ERC2: variants seen among roughly 807,000 people sequenced by gnomAD.
The protein encoded by ERC2 is ERC protein 2.
Under a neutral mutation model 114.8 loss-of-function variants are expected in ERC2, and 42 were observed. The ratio of observed to expected loss-of-function variants is 0.37; its 90% CI spans 0.29 to 0.47. ERC2 has a LOEUF of 0.47. Among genes scored for constraint, ERC2 ranks in the 20% least tolerant of loss-of-function variants. ERC2 has a pLI of 0.99. For missense variants in ERC2, 939 were observed against 1,150.7 expected (o/e 0.82, Z 2.66); for synonymous variants, 454 against 425.5 (o/e 1.07, Z -0.82).
At chr3:56,014,639 G>A (rs548684323) in intron 8 of ERC2, among the ~76,000 whole-genome samples, 2 of 152,046 alleles carry the variant, frequency 1.3e-5, no homozygotes, top group African/African-American at 4.8e-5. Context: ...TTTCAGATTT[G>A]GGAATTACTT....
chr3:55,583,889 C>G (rs1559694462), intron 17 of ERC2, among the ~76,000 whole-genome samples: 1 of 1,296 alleles, frequency 7.7e-4, no homozygotes, highest in African/African-American at 9.2e-4. Context: ...AACTTGCTAG[C>G]CCCCCTCCCA....
intron 6 of ERC2, among the ~76,000 whole-genome samples, chr3:56,135,079 A>C (rs1575546861): frequency 3.9e-5 from 6 of 152,094 alleles, no homozygotes; most frequent in Admixed American, 3.9e-4. Context: ...CAGCCTCCTG[A>C]GGAGCTGGGA....
chr3:55,521,597 C>G (rs1210762037), intron 17 of ERC2, among the ~76,000 whole-genome samples: 1 of 152,160 alleles, frequency 6.6e-6, no homozygotes, highest in Non-Finnish European at 1.5e-5. Context: ...AAGTGACTGG[C>G]AAAAGAAGGG....
intron 14 of ERC2, among the ~76,000 whole-genome samples, chr3:55,819,761 T>C (rs1221076904): frequency 6.6e-6 from 1 of 152,200 alleles, no homozygotes. Flanking sequence ...CCAGACTCCA[T>C]GGCCATGCAC....
intron 2 of ERC2, among the ~76,000 whole-genome samples, chr3:56,348,921 AAGG>A (rs1317598211): frequency 7.1e-6 from 1 of 140,518 alleles, no homozygotes; most frequent in African/African-American, 2.8e-5. Flanking sequence ...GGAAGGAAGG[AAGG>A]AAGGAAGGAA....
chr3:56,448,500 C>A (rs947794184), intron 1 of ERC2, among the ~76,000 whole-genome samples: 4 of 152,166 alleles, frequency 2.6e-5, no homozygotes, highest in Non-Finnish European at 5.9e-5. Context: ...GCCTGCCCCC[C>A]ACACCTCCGC....
intron 15 of ERC2, among the ~76,000 whole-genome samples, chr3:55,718,842 G>A (rs1384259419): frequency 1.3e-5 from 2 of 152,164 alleles, no homozygotes; most frequent in Non-Finnish European, 2.9e-5. Context: ...TTTTAAAGTG[G>A]AAAGATATTT....
intron 17 of ERC2, among the ~76,000 whole-genome samples, chr3:55,590,478 T>C (rs952269268): frequency 1.3e-5 from 2 of 152,182 alleles, no homozygotes; most frequent in African/African-American, 4.8e-5. Context: ...TCTTAAAAAA[T>C]ACTGGAATCA....
chr3:55,575,237 C>T (rs150017598), intron 17 of ERC2, among the ~76,000 whole-genome samples: 2,356 of 152,178 alleles, frequency 0.015, 42 homozygotes, highest in African/African-American at 0.046. Context: ...AGGCTGGTCT[C>T]GAACTCCTGA....
Position 56,170,596 on chromosome 3 carries a change from T to TGTTTTTTG in ERC2, c.1149+2849_1149+2850insCAAAAAAC, listed in dbSNP as rs1379462762. Among the ~76,000 whole-genome samples, 5 of 9,294 alleles carry TGTTTTTTG rather than the reference T, an allele frequency of 5.4e-4. 1 individual carries two copies. Among genetic ancestry groups the TGTTTTTTG allele is most frequent in the Admixed American group, 2.0e-3 (2 of 998 alleles). The allele number at this position is 9,294 out of a possible 152,430, so 6.1% of individuals were successfully genotyped here. ...AAGAAATCTCTTCTGTTTTTTTTTT[T>TGTTTTTTG]TTTTTTTTTTTTTTTTTTGAGGTAG... On this transcript the variant is annotated intron_variant, in intron 4 of 17. Transcript: ENST00000288221.
chr3:55,583,479 CCCTCCATCCCTCT>C (rs1180391174), intron 17 of ERC2, among the ~76,000 whole-genome samples: 69 of 58,816 alleles, frequency 1.2e-3, no homozygotes, highest in African/African-American at 1.6e-3. Flanking sequence ...TTCCTCCCTC[CCCTCCATCCCTCT>C]CTCCTTCCCT....
intron 14 of ERC2, among the ~76,000 whole-genome samples, chr3:55,850,400 T>A (rs1214542474): frequency 6.6e-6 from 1 of 152,264 alleles, no homozygotes; most frequent in Non-Finnish European, 1.5e-5. Flanking sequence ...AAATAATGTG[T>A]ATTAAGTCAT....
At chr3:55,848,661 T>C (rs1340555831) in intron 14 of ERC2, among the ~76,000 whole-genome samples, 1 of 152,196 alleles carries the variant, frequency 6.6e-6, no homozygotes, top group African/African-American at 2.4e-5. Context: ...TATATTTCTA[T>C]ATAGTTGGTC....
chr3:56,068,223 A>G (rs2076570330), intron 7 of ERC2, among the ~76,000 whole-genome samples: 1 of 152,042 alleles, frequency 6.6e-6, no homozygotes, highest in Admixed American at 6.6e-5. Context: ...AGAACTTGTT[A>G]TTGGTCTATT....
intron 3 of ERC2, among the ~76,000 whole-genome samples, chr3:56,196,476 G>A (rs2048110533): frequency 6.8e-6 from 1 of 147,974 alleles, no homozygotes; most frequent in East Asian, 2.1e-4. Context: ...TCACAGGACA[G>A]ATGACTTTCT....
intron 14 of ERC2, among the ~76,000 whole-genome samples, chr3:55,754,605 TAA>T (rs36051892): frequency 1.1e-5 from 1 of 94,154 alleles, no homozygotes; most frequent in Non-Finnish European, 2.6e-5. Flanking sequence ...CATTCTTACA[TAA>T]AAAAAAAAAT....
At chr3:55,513,184 A>G (rs2052220644) in intron 17 of ERC2, among the ~76,000 whole-genome samples, 2 of 152,230 alleles carry the variant, frequency 1.3e-5, no homozygotes, top group African/African-American at 4.8e-5. Flanking sequence ...TCCAGTCCAT[A>G]GTGCATTCCC....
chr3:56,261,097 C>T (rs2052890959), intron 3 of ERC2, among the ~76,000 whole-genome samples: 2 of 152,208 alleles, frequency 1.3e-5, no homozygotes, highest in South Asian at 4.1e-4. Context: ...CAGCTCTCTG[C>T]TGCCTCCAGC....
intron 6 of ERC2, among the ~76,000 whole-genome samples, chr3:56,092,786 GA>G (rs1017529351): frequency 6.6e-6 from 1 of 151,970 alleles, no homozygotes; most frequent in Admixed American, 6.6e-5. Context: ...TGCTATTACG[GA>G]AAAAAACAAG....
Sources: allele counts gnomAD v4.1 joint callset (sites outside exome capture counted in the v4.1 genomes callset), GRCh38; gene constraint gnomAD v4.1.1; transcripts MANE v1.5; gene names NCBI Gene and HGNC (gene_info 2026-07-23, HGNC 2026-07-21).